IPCEF1: variants seen among roughly 807,000 people sequenced by gnomAD.
The protein encoded by IPCEF1 is interaction protein for cytohesin exchange factors 1.
A neutral mutation model predicts 50.9 loss-of-function variants in IPCEF1; 31 were observed. The observed-to-expected ratio is 0.61, with a 90% CI of 0.46 to 0.82. The LOEUF is 0.82. Ranked by LOEUF, IPCEF1 falls within the 40% of genes least tolerant of loss-of-function variation. IPCEF1 has a pLI of 0.00. For missense variants in IPCEF1, 458 were observed against 514.0 expected (o/e 0.89, Z 1.05); for synonymous variants, 181 against 192.0 (o/e 0.94, Z 0.47).
chr6:154,166,043 C>T (rs1282258308), intron 11 of IPCEF1, among the ~76,000 whole-genome samples: 1 of 152,266 alleles, frequency 6.6e-6, no homozygotes, highest in East Asian at 1.9e-4. Context: ...AGCTTGATCA[C>T]AGCCTTGTGA....
At chr6:154,184,930 C>T (rs754958879) in intron 10 of IPCEF1, among the ~76,000 whole-genome samples, 2 of 151,878 alleles carry the variant, frequency 1.3e-5, no homozygotes, top group Admixed American at 6.5e-5. Flanking sequence ...TCACAAGAAA[C>T]AAACATATTT....
chr6:154,159,936 C>G lies in IPCEF1; in HGVS notation c.1209G>C (p.Gln403His). Residue 403 changes from glutamine to histidine, a missense_variant, in exon 12 of 12, where the codon CAG (glutamine) becomes CAC (histidine). Transcript: ENST00000367220. ...AAGCCCGCTGCTGCTGATAGATGTC[C>G]TGGATCAGCAGGGTGTTCATGACTT... The part of the protein sequence containing the change: ...EWKVMNTLLI[Q>H]DIYQQQRASP... 4 of 1,613,524 alleles carry G rather than the reference C, an allele frequency of 2.5e-6. No individual in the cohort carries two copies. In the South Asian group the frequency reaches 4.4e-5, roughly 18 times the overall value.
At chr6:154,355,398 A>G (rs1020210001) in intron 1 of IPCEF1, among the ~76,000 whole-genome samples, 1 of 152,234 alleles carries the variant, frequency 6.6e-6, no homozygotes, top group African/African-American at 2.4e-5. Flanking sequence ...TCATCAACAC[A>G]TACACAAACT....
At chr6:154,344,703 T>C (rs1235795400) in intron 1 of IPCEF1, among the ~76,000 whole-genome samples, 1 of 152,190 alleles carries the variant, frequency 6.6e-6, no homozygotes, top group East Asian at 1.9e-4. Flanking sequence ...CTGACTTTCA[T>C]GGTCATCCCT....
intron 1 of IPCEF1, among the ~76,000 whole-genome samples, chr6:154,334,690 G>A (rs577771209): frequency 1.3e-5 from 2 of 152,328 alleles, no homozygotes; most frequent in African/African-American, 4.8e-5. Flanking sequence ...TAAAGTTCAA[G>A]CCTCAGCTTA....
chr6:154,257,103 G>C (rs763650663), intron 3 of IPCEF1, among the ~76,000 whole-genome samples: 8 of 152,178 alleles, frequency 5.3e-5, no homozygotes, highest in Non-Finnish European at 8.8e-5. Context: ...AGAAACATCT[G>C]TATATCCTGT....
intron 10 of IPCEF1, among the ~76,000 whole-genome samples, chr6:154,180,414 A>ATATATATATTTTTT (rs1241250621): frequency 6.0e-4 from 39 of 65,248 alleles, no homozygotes; most frequent in African/African-American, 1.6e-3. Context: ...ATATATATAT[A>ATATATATATTTTTT]TTTTTTTTTT....
intron 3 of IPCEF1, among the ~76,000 whole-genome samples, chr6:154,252,447 T>G (rs1781361329): frequency 6.6e-6 from 1 of 151,860 alleles, no homozygotes. Flanking sequence ...GAGGCCAGGG[T>G]GGGCGGATCA....
At chr6:154,247,007 T>TA (rs1421894308) in intron 4 of IPCEF1, 6 of 455,088 alleles carry the variant, frequency 1.3e-5, no homozygotes, top group African/African-American at 2.0e-5. Context: ...AGGTATAAGA[T>TA]ACGGCCAAAG....
chr6:154,262,752 T>C (rs1375932609), intron 3 of IPCEF1, among the ~76,000 whole-genome samples: 1 of 148,062 alleles, frequency 6.8e-6, no homozygotes, highest in Admixed American at 6.9e-5. Flanking sequence ...ATAGTACATA[T>C]ACACATGCTT....
At chr6:154,241,474 C>T (rs530507018) in intron 5 of IPCEF1, among the ~76,000 whole-genome samples, 14 of 152,280 alleles carry the variant, frequency 9.2e-5, no homozygotes, top group African/African-American at 3.1e-4. Context: ...TTCCACCCTT[C>T]TTACTCACAA....
chr6:154,183,784 G>A (rs1212036272), intron 10 of IPCEF1, among the ~76,000 whole-genome samples: 1 of 151,944 alleles, frequency 6.6e-6, no homozygotes, highest in African/African-American at 2.4e-5. Flanking sequence ...TAGCTACGTG[G>A]GAGGCTGAGG....
At chr6:154,303,715 A>G (rs1782857510) in intron 1 of IPCEF1, among the ~76,000 whole-genome samples, 1 of 152,180 alleles carries the variant, frequency 6.6e-6, no homozygotes, top group Non-Finnish European at 1.5e-5. Flanking sequence ...TGAGTCCAGG[A>G]GTTCAAGACT....
intron 2 of IPCEF1, among the ~76,000 whole-genome samples, chr6:154,274,732 C>A (rs1782011698): frequency 6.6e-6 from 1 of 152,186 alleles, no homozygotes; most frequent in Non-Finnish European, 1.5e-5. Flanking sequence ...CAAGCAGAGA[C>A]CAGCCGTGGG....
chr6:154,349,117 G>A (rs568091333), intron 1 of IPCEF1, among the ~76,000 whole-genome samples: 1 of 151,828 alleles, frequency 6.6e-6, no homozygotes, highest in Non-Finnish European at 1.5e-5. Context: ...TTAAATTAAG[G>A]TTCCTGGGAA....
At chr6:154,190,738 TA>T (rs1377278275) in intron 10 of IPCEF1, among the ~76,000 whole-genome samples, 1 of 152,228 alleles carries the variant, frequency 6.6e-6, no homozygotes, top group Non-Finnish European at 1.5e-5. Flanking sequence ...TTCATAATTT[TA>T]AAAACTTGGA....
intron 2 of IPCEF1, among the ~76,000 whole-genome samples, chr6:154,284,979 G>A (rs1045411838): frequency 9.9e-5 from 15 of 152,058 alleles, no homozygotes; most frequent in Non-Finnish European, 2.2e-4. Context: ...CAGCCTGGGT[G>A]ATAGAGTGAG....
intron 10 of IPCEF1, among the ~76,000 whole-genome samples, chr6:154,197,235 A>C (rs1188082443): frequency 6.6e-6 from 1 of 152,192 alleles, no homozygotes; most frequent in Non-Finnish European, 1.5e-5. Context: ...AAGTCACAAA[A>C]ATGAAAAGCT....
intron 10 of IPCEF1, among the ~76,000 whole-genome samples, chr6:154,190,041 T>C (rs746779919): frequency 6.6e-6 from 1 of 152,134 alleles, no homozygotes; most frequent in African/African-American, 2.4e-5. Context: ...CTATAAACTA[T>C]CTTGTAGACA....
Sources: allele counts gnomAD v4.1 joint callset (sites outside exome capture counted in the v4.1 genomes callset), GRCh38; gene constraint gnomAD v4.1.1; transcripts MANE v1.5; gene names NCBI Gene and HGNC (gene_info 2026-07-23, HGNC 2026-07-21).